TTC7B: variants seen among roughly 807,000 people sequenced by gnomAD.
TTC7B encodes the protein tetratricopeptide repeat protein 7B.
Under a neutral mutation model 106.8 loss-of-function variants are expected in TTC7B, and 28 were observed. The observed-to-expected ratio is 0.26, with a 90% CI of 0.19 to 0.36. TTC7B has a LOEUF of 0.36. Ranked by LOEUF, TTC7B falls within the 10% of genes least tolerant of loss-of-function variation. The pLI, the probability that TTC7B is intolerant of heterozygous loss-of-function variation, is 1.00. For missense variants in TTC7B, 862 were observed against 1,076.4 expected (o/e 0.80, Z 2.79); for synonymous variants, 405 against 430.6 (o/e 0.94, Z 0.74).
At chr14:90,686,953 T>C (rs1887271761) in intron 7 of TTC7B, among the ~76,000 whole-genome samples, 1 of 151,508 alleles carries the variant, frequency 6.6e-6, no homozygotes, top group African/African-American at 2.4e-5. Flanking sequence ...CAAATTGATC[T>C]ACAAATTCAA....
Position 90,778,993 on chromosome 14 carries a change from C to T in TTC7B, c.445+1745G>A, listed in dbSNP as rs531350576. ...GCTGGACCACCTGTAGCCCCCTCAT[C>T]TCAGCCAGAAAGTGCTGGCAGCACT... On this transcript the variant is annotated intron_variant, in intron 3 of 19. Transcript: ENST00000328459. Among the ~76,000 whole-genome samples, 48 of 152,340 alleles carry T rather than the reference C, an allele frequency of 3.2e-4. No individual in the cohort carries two copies. The South Asian group carries it at 9.5e-3, about 30-fold the overall frequency.
chr14:90,654,911 G>A, intron 12 of TTC7B, 82 bp downstream of exon 12: 1 of 1,125,350 alleles, frequency 8.9e-7, no homozygotes, highest in Non-Finnish European at 1.3e-6. Context: ...TGAGACAGAA[G>A]GGGACTGTGG....
intron 17 of TTC7B, chr14:90,605,769 G>GA (rs1465703791): frequency 3.3e-6 from 4 of 1,200,622 alleles, no homozygotes; most frequent in Admixed American, 3.5e-5. Context: ...CTAAAAAAGT[G>GA]AAAGAGAAAA....
At chr14:90,755,249 T>C (rs1345994737) in intron 3 of TTC7B, among the ~76,000 whole-genome samples, 1 of 152,220 alleles carries the variant, frequency 6.6e-6, no homozygotes, top group African/African-American at 2.4e-5. Flanking sequence ...GACATATACC[T>C]AGGGTGGACC....
intron 17 of TTC7B, chr14:90,603,450 G>C: frequency 2.2e-6 from 1 of 459,454 alleles, no homozygotes; most frequent in Non-Finnish European, 3.6e-6. Flanking sequence ...TTCAAGAGTG[G>C]CACACATTTT....
intron 1 of TTC7B, among the ~76,000 whole-genome samples, chr14:90,800,313 T>C (rs529363487): frequency 3.0e-4 from 45 of 152,006 alleles, no homozygotes; most frequent in Non-Finnish European, 5.9e-4. Flanking sequence ...GGGGACATCA[T>C]TTGAAGGTGA....
chr14:90,551,348 G>T (rs927353852), intron 19 of TTC7B, among the ~76,000 whole-genome samples: 1 of 152,084 alleles, frequency 6.6e-6, no homozygotes, highest in African/African-American at 2.4e-5. Context: ...TCCTGTCAGG[G>T]GCTATGTCCA....
At chr14:90,804,895 G>T (rs1039998900) in intron 1 of TTC7B, among the ~76,000 whole-genome samples, 1 of 152,258 alleles carries the variant, frequency 6.6e-6, no homozygotes, top group Admixed American at 6.5e-5. Flanking sequence ...CCACAGAGGG[G>T]CGGTGGAGGG....
intron 17 of TTC7B, 151 bp from the exon 18 acceptor site, chr14:90,593,777 A>G: frequency 2.8e-6 from 2 of 718,044 alleles, no homozygotes; most frequent in Non-Finnish European, 4.1e-6. Context: ...GCGGGCAATC[A>G]CGGCCCGGGG....
chr14:90,542,782 T>G (rs554164848), intron 19 of TTC7B, among the ~76,000 whole-genome samples: 1 of 152,200 alleles, frequency 6.6e-6, no homozygotes, highest in Non-Finnish European at 1.5e-5. Context: ...ATGAGCTCCT[T>G]TTAGTGGCCC....
At chr14:90,725,037 G>A (rs1447773569) in intron 5 of TTC7B, among the ~76,000 whole-genome samples, 3 of 151,858 alleles carry the variant, frequency 2.0e-5, no homozygotes, top group East Asian at 1.9e-4. Context: ...TTTCATCTCC[G>A]TATCTCTTGA....
At chr14:90,722,373 G>A (rs1050925593) in intron 5 of TTC7B, among the ~76,000 whole-genome samples, 48 of 152,108 alleles carry the variant, frequency 3.2e-4, no homozygotes, top group Admixed American at 7.9e-4. Context: ...AATGGGGGAC[G>A]TGGCTCTGGT....
At chr14:90,560,123 C>A (rs769219269) in intron 19 of TTC7B, among the ~76,000 whole-genome samples, 1 of 152,236 alleles carries the variant, frequency 6.6e-6, no homozygotes, top group South Asian at 2.1e-4. Context: ...ACTCTGCTCC[C>A]GTCTCCTGTG....
In TTC7B at chr14:90,742,322, TTCTC is replaced by T. The variant is rs1025238496; in HGVS notation, c.576+2466_576+2469del. Reference sequence around the variant, plus strand: ...CTCCCTCCCTCCTTTCTCTTTCTCTTTCTCTCTCTCTCTCTTTCTCTCTTCCTTT... The same window carrying T: ...CTCCCTCCCTCCTTTCTCTTTCTCTTTCTCTCTCTCTTTCTCTCTTCCTTT... On this transcript the variant is annotated intron_variant, in intron 4 of 19. Coordinates refer to ENST00000328459, the MANE Select transcript of TTC7B (RefSeq NM_001010854.2). The surrounding 1 kb of genome is among the most constrained non-coding windows in gnomAD (Gnocchi z 4.1). 3.3e-5 allele frequency among the ~76,000 whole-genome samples: 5 copies of T among 151,072 alleles called. No individual in the cohort carries two copies. The highest frequency in any genetic ancestry group is 4.2e-4 in the South Asian group (2 of 4,762).
chr14:90,766,207 A>C (rs1890674256), intron 3 of TTC7B, among the ~76,000 whole-genome samples: 1 of 151,432 alleles, frequency 6.6e-6, no homozygotes. Context: ...CAGAGTTACC[A>C]CATTATTAGA....
At position 90,536,959 on chromosome 14, in the gene TTC7B, G is replaced by C. The variant is rs1370262892; in HGVS notation, c.*4409C>G. ...CCTTAGAGGGAGGCAGGAGGTCAAA[G>C]GCAGAAAGGTGACGCAGTGACGGAG... is the stretch of plus-strand genomic sequence containing the variant. On this transcript the variant is annotated 3_prime_UTR_variant, in exon 20 of 20. Coordinates refer to ENST00000328459, the MANE Select transcript of TTC7B (RefSeq NM_001010854.2). The C allele has an allele frequency of 6.6e-6, 1 of 152,524 alleles. No individual in the cohort carries two copies. Among genetic ancestry groups the C allele is most frequent in the Non-Finnish European group, 1.5e-5 (1 of 68,270 alleles). 9.4% of individuals were successfully genotyped at this position (152,524 alleles called of 1,614,324 possible).
chr14:90,556,172 G>A (rs939729170), intron 19 of TTC7B, among the ~76,000 whole-genome samples: 21 of 152,346 alleles, frequency 1.4e-4, no homozygotes, highest in Middle Eastern at 3.4e-3. Flanking sequence ...GCGCTGGCTG[G>A]GTGGGGGCCC....
At chr14:90,560,596 A>G (rs1890530446) in intron 19 of TTC7B, among the ~76,000 whole-genome samples, 1 of 152,272 alleles carries the variant, frequency 6.6e-6, no homozygotes, top group Admixed American at 6.5e-5. Context: ...GGCTCAAAGC[A>G]TCATTGAAAC....
At chr14:90,729,424 C>T (rs1484508825) in intron 5 of TTC7B, among the ~76,000 whole-genome samples, 1 of 152,136 alleles carries the variant, frequency 6.6e-6, no homozygotes, top group African/African-American at 2.4e-5. Flanking sequence ...ACAGAGGAAC[C>T]AGATACCTAC....
Sources: allele counts gnomAD v4.1 joint callset (sites outside exome capture counted in the v4.1 genomes callset), GRCh38; gene constraint gnomAD v4.1.1; non-coding constraint Gnocchi (gnomAD v3.1); transcripts MANE v1.5; gene names NCBI Gene and HGNC (gene_info 2026-07-23, HGNC 2026-07-21).